Variants in RBMS3 observed in about 807,000 individuals in gnomAD.
RBMS3 encodes RNA-binding motif, single-stranded-interacting protein 3.
In RBMS3, 27 loss-of-function variants were observed where a neutral mutation model predicts 66.8. The observed-to-expected ratio is 0.40, with a 90% CI of 0.30 to 0.56. The LOEUF (loss-of-function observed/expected upper bound fraction) is 0.56. Among genes scored for constraint, RBMS3 ranks in the 20% least tolerant of loss-of-function variants. The pLI, the probability that RBMS3 is intolerant of heterozygous loss-of-function variation, is 0.40. For synonymous variants in RBMS3, 188 were observed against 183.0 expected (o/e 1.03, Z -0.22); for missense variants, 513 against 549.5 (o/e 0.93, Z 0.66).
intron 4 of RBMS3, among the ~76,000 whole-genome samples, chr3:29,659,901 T>A (rs2050468258): frequency 6.6e-6 from 1 of 152,192 alleles, no homozygotes. Context: ...ACTTATTACC[T>A]TCTGTTTTCT....
intron 2 of RBMS3, among the ~76,000 whole-genome samples, chr3:29,458,366 CT>C (rs2042263646): frequency 6.6e-6 from 1 of 152,056 alleles, no homozygotes; most frequent in South Asian, 2.1e-4. Flanking sequence ...ATGGTTTATT[CT>C]TTAAATTAGA....
chr3:29,413,894 C>T (rs1370148371), intron 1 of RBMS3, among the ~76,000 whole-genome samples: 1 of 152,014 alleles, frequency 6.6e-6, no homozygotes, highest in Non-Finnish European at 1.5e-5. Context: ...GGTCCTTATT[C>T]TCTTTTTGTT....
intron 4 of RBMS3, among the ~76,000 whole-genome samples, chr3:29,669,522 T>TA (rs2050905218): frequency 1.3e-5 from 2 of 152,148 alleles, no homozygotes; most frequent in Admixed American, 6.5e-5. Flanking sequence ...CTCATTAAAA[T>TA]AAAAAAATCA....
chr3:29,868,703 C>T (rs865822606), intron 6 of RBMS3, among the ~76,000 whole-genome samples, 155 bp from the exon 7 acceptor site: 91 of 152,116 alleles, frequency 6.0e-4, no homozygotes, highest in African/African-American at 2.1e-3. Context: ...AGAACAGCGG[C>T]CAACAGAGCT....
chr3:29,494,574 G>A (rs2043668989), intron 3 of RBMS3, among the ~76,000 whole-genome samples: 1 of 152,162 alleles, frequency 6.6e-6, no homozygotes, highest in Non-Finnish European at 1.5e-5. Context: ...GACTAAATAA[G>A]AGCTATTGTA....
At chr3:29,904,466 T>C (rs1405366006) in intron 10 of RBMS3, among the ~76,000 whole-genome samples, 1 of 152,004 alleles carries the variant, frequency 6.6e-6, no homozygotes, top group Non-Finnish European at 1.5e-5. Context: ...GTTCTGGATG[T>C]CAATAAATAT....
intron 5 of RBMS3, among the ~76,000 whole-genome samples, chr3:29,740,733 C>T (rs1226259433): frequency 6.6e-6 from 1 of 152,066 alleles, no homozygotes; most frequent in African/African-American, 2.4e-5. Context: ...GGAAGTCAGC[C>T]CATTGCAGAC....
At chr3:29,740,784 G>A (rs759490733) in intron 5 of RBMS3, among the ~76,000 whole-genome samples, 7 of 152,176 alleles carry the variant, frequency 4.6e-5, no homozygotes, top group Non-Finnish European at 1.0e-4. Flanking sequence ...GCTGACGCCT[G>A]TAATCTCAGC....
At chr3:29,391,114 A>G (rs7645535) in intron 1 of RBMS3, 108,852 of 209,880 alleles carry the variant, frequency 0.52, 31,469 homozygotes, top group East Asian at 0.75. Flanking sequence ...CGATAGTGGC[A>G]GAAACCCCAA....
intron 1 of RBMS3, among the ~76,000 whole-genome samples, chr3:29,419,821 C>A (rs946320076): frequency 1.3e-5 from 2 of 152,182 alleles, no homozygotes; most frequent in Admixed American, 6.5e-5. Flanking sequence ...AAATTTTGAA[C>A]TTCACAAGCT....
chr3:29,844,605 A>T (rs1271966869), intron 6 of RBMS3, among the ~76,000 whole-genome samples: 1 of 152,224 alleles, frequency 6.6e-6, no homozygotes, highest in Non-Finnish European at 1.5e-5. Flanking sequence ...AAAAGAAATG[A>T]ATCCCATTAA....
chr3:29,976,566 G>T (rs1697599851), intron 12 of RBMS3, among the ~76,000 whole-genome samples: 5 of 151,972 alleles, frequency 3.3e-5, no homozygotes. Flanking sequence ...TGAACAGTAG[G>T]GGTCCAGGTA....
At chr3:29,504,053 C>T (rs1457175587) in intron 3 of RBMS3, among the ~76,000 whole-genome samples, 1 of 152,090 alleles carries the variant, frequency 6.6e-6, no homozygotes, top group Non-Finnish European at 1.5e-5. Flanking sequence ...CCCACATTAG[C>T]TAACTGCACA....
At chr3:29,959,867 C>T (rs767454293) in intron 12 of RBMS3, among the ~76,000 whole-genome samples, 1 of 152,088 alleles carries the variant, frequency 6.6e-6, no homozygotes, top group Non-Finnish European at 1.5e-5. Flanking sequence ...CCCCATGATT[C>T]AATTGTCTCC....
In RBMS3 at chr3:29,941,127, G is replaced by A. The variant is rs1020038714; in HGVS notation, c.1051-3080G>A. The stretch of plus-strand genomic sequence containing the variant: ...GTTTTGTATCTGCAGTTTGGTTTGT[G>A]TTCTCCAAGCCACTGATGATTTGTG... On this transcript the variant is annotated intron_variant, in intron 11 of 14. Transcript: ENST00000383767. Among the ~76,000 whole-genome samples, 294 of 151,952 alleles carry A rather than the reference G, an allele frequency of 1.9e-3. 6 individuals are homozygous for A. Among genetic ancestry groups the A allele is most frequent in the Admixed American group, 0.019 (293 of 15,224 alleles).
chr3:29,843,757 T>A (rs1029740609), intron 6 of RBMS3, among the ~76,000 whole-genome samples: 2 of 152,068 alleles, frequency 1.3e-5, no homozygotes, highest in African/African-American at 4.8e-5. Context: ...GGGACCAGCC[T>A]GGGCAACATA....
chr3:29,918,969 T>C (rs1352077750), intron 10 of RBMS3, among the ~76,000 whole-genome samples: 2 of 152,146 alleles, frequency 1.3e-5, no homozygotes, highest in Non-Finnish European at 2.9e-5. Flanking sequence ...ACTAAAAAGT[T>C]ATAAAAACAA....
At chr3:29,867,545 G>A (rs148296786) in intron 6 of RBMS3, among the ~76,000 whole-genome samples, 304 of 145,070 alleles carry the variant, frequency 2.1e-3, no homozygotes, top group Non-Finnish European at 2.0e-3. Context: ...TAAGGATGAC[G>A]TACCTTTATT....
At chr3:29,480,285 C>T (rs1345630930) in intron 2 of RBMS3, among the ~76,000 whole-genome samples, 1 of 152,116 alleles carries the variant, frequency 6.6e-6, no homozygotes, top group African/African-American at 2.4e-5. Context: ...GGGGTTGAGG[C>T]CCCAGATTTA....
Sources: gnomAD v4.1 joint callset for allele counts (sites outside exome capture counted in the v4.1 genomes callset) on GRCh38, gnomAD v4.1.1 for gene constraint, MANE v1.5 for transcripts, NCBI Gene and HGNC (gene_info 2026-07-23, HGNC 2026-07-21) for gene names.